Variants in SYNPR observed in about 807,000 individuals in gnomAD.
The protein encoded by SYNPR is synaptoporin.
In SYNPR, 23 loss-of-function variants were observed where a neutral mutation model predicts 32.9. The ratio of observed to expected loss-of-function variants is 0.70; its 90% CI spans 0.50 to 0.99. SYNPR has a LOEUF of 0.99. Among genes scored for constraint, SYNPR ranks in the 50% least tolerant of loss-of-function variants. The pLI is 0.00. For synonymous variants in SYNPR, 146 were observed against 135.9 expected, an observed-to-expected ratio of 1.07 and a Z score of -0.52; for missense variants, 318 against 349.3, an observed-to-expected ratio of 0.91 and a Z score of 0.71.
rs145149630 is a variant in SYNPR, at chr3:63,240,198, AGAGTTCAAACT to A, written n.66+11821_66+11831del. On this transcript the variant is annotated intron_variant and non_coding_transcript_variant, in intron 1 of 4. Coordinates refer to the SYNPR transcript ENST00000478456. ...GTACAAACTGATGAGACAGAAACAGAGAGTTCAAACTGACAATAAATTGGTTTATTTAACAG... is the reference window on the plus strand; with the variant it reads ...GTACAAACTGATGAGACAGAAACAGAGACAATAAATTGGTTTATTTAACAG... 5.3e-3 allele frequency among the ~76,000 whole-genome samples: 805 copies of A among 152,280 alleles called. 10 individuals are homozygous for A. The highest frequency in any genetic ancestry group is 0.019 in the African/African-American group (774 of 41,570).
chr3:63,415,175 G>A (rs1446572481), intron 2 of SYNPR, among the ~76,000 whole-genome samples: 2 of 151,860 alleles, frequency 1.3e-5, no homozygotes, highest in South Asian at 2.1e-4. Flanking sequence ...TATGCATATC[G>A]TATCTTTATG....
intron 2 of SYNPR, among the ~76,000 whole-genome samples, chr3:63,402,482 AT>A (rs1359523724): frequency 2.0e-5 from 3 of 152,260 alleles, no homozygotes; most frequent in African/African-American, 7.2e-5. Context: ...GACAAGAACC[AT>A]AAAGGATTCT....
At chr3:63,287,121 T>C (rs1302768149) in intron 2 of SYNPR, among the ~76,000 whole-genome samples, 2 of 152,188 alleles carry the variant, frequency 1.3e-5, no homozygotes, top group Non-Finnish European at 2.9e-5. Flanking sequence ...CAGTCGAATG[T>C]AATGAATTAT....
chr3:63,519,300 C>T (rs1026192871), intron 3 of SYNPR, among the ~76,000 whole-genome samples: 5 of 152,136 alleles, frequency 3.3e-5, no homozygotes, highest in African/African-American at 1.2e-4. Flanking sequence ...ATTGTGAAAC[C>T]ATGAAAGAGT....
In SYNPR at chr3:63,455,079, T is replaced by C. The variant is rs185890165; in HGVS notation, c.85-25753T>C. 2.7e-3 allele frequency among the ~76,000 whole-genome samples: 405 copies of C among 152,272 alleles called. 3 individuals are homozygous for C. The highest frequency in any genetic ancestry group is 9.0e-3 in the African/African-American group (373 of 41,576). ...TGATTTTAATTTAGGAATAATTTTA[T>C]TCTTACTGGCCCTAATTTGACGTTA... On this transcript the variant is annotated intron_variant, in intron 2 of 5. Coordinates refer to ENST00000478300, the MANE Select transcript of SYNPR (RefSeq NM_001130003.2).
chr3:63,342,236 C>T (rs1318588017), intron 2 of SYNPR, among the ~76,000 whole-genome samples: 3 of 152,140 alleles, frequency 2.0e-5, no homozygotes, highest in Non-Finnish European at 2.9e-5. Flanking sequence ...AGTCTTTCTC[C>T]ATGCTACACT....
intron 2 of SYNPR, among the ~76,000 whole-genome samples, chr3:63,365,837 C>T (rs2087723092): frequency 6.6e-6 from 1 of 152,094 alleles, no homozygotes; most frequent in Admixed American, 6.5e-5. Context: ...AGCTGAAAAG[C>T]AATGTGAACA....
At chr3:63,449,325 C>T (rs1247592384) in intron 2 of SYNPR, among the ~76,000 whole-genome samples, 5 of 151,918 alleles carry the variant, frequency 3.3e-5, no homozygotes, top group Admixed American at 6.6e-5. Flanking sequence ...GATGCTAGGG[C>T]ACAGAAATAA....
At chr3:63,322,965 TGAGG>T (rs2087126863) in intron 2 of SYNPR, among the ~76,000 whole-genome samples, 1 of 152,090 alleles carries the variant, frequency 6.6e-6, no homozygotes, top group Non-Finnish European at 1.5e-5. Context: ...GGCTTTTTAT[TGAGG>T]GTTGCCCAGT....
chr3:63,275,139 C>A (rs766497220), upstream of SYNPR, among the ~76,000 whole-genome samples: 7 of 152,202 alleles, frequency 4.6e-5, no homozygotes, highest in East Asian at 1.9e-4. Flanking sequence ...GGGAAATTAT[C>A]TTTCATCATC....
At chr3:63,479,513 T>A (rs1455848714) in intron 2 of SYNPR, among the ~76,000 whole-genome samples, 1 of 152,116 alleles carries the variant, frequency 6.6e-6, no homozygotes, top group African/African-American at 2.4e-5. Flanking sequence ...GGTTTCACAA[T>A]GCCTTGTTAT....
chr3:63,393,586 C>T (rs895685463), intron 2 of SYNPR, among the ~76,000 whole-genome samples: 8 of 144,774 alleles, frequency 5.5e-5, no homozygotes, highest in African/African-American at 2.1e-4. Flanking sequence ...CAGCCTTGAC[C>T]TCCTGGGCTC....
rs2086153217 is a variant in SYNPR, at chr3:63,229,712, T to C, written n.66+1332T>C. On this transcript the variant is annotated intron_variant and non_coding_transcript_variant, in intron 1 of 4. Coordinates refer to the SYNPR transcript ENST00000478456. ...AAATTTTTGTCCATATTTATCAGTATTATTATTATTCACTCAATACTTGTG... is the reference window on the plus strand; with the variant it reads ...AAATTTTTGTCCATATTTATCAGTACTATTATTATTCACTCAATACTTGTG... 3.3e-5 allele frequency among the ~76,000 whole-genome samples: 5 copies of C among 152,298 alleles called. No homozygotes were observed. The South Asian group carries it at 1.0e-3, about 32-fold the overall frequency.
chr3:63,596,095 T>C (rs944996813), intron 4 of SYNPR, among the ~76,000 whole-genome samples: 19 of 150,070 alleles, frequency 1.3e-4, no homozygotes, highest in African/African-American at 4.4e-4. Flanking sequence ...GTTGCACCCA[T>C]TAACTCGTCA....
upstream of SYNPR, among the ~76,000 whole-genome samples, chr3:63,276,620 T>TG (rs1560175989): frequency 7.0e-6 from 1 of 142,142 alleles, no homozygotes; most frequent in Non-Finnish European, 1.5e-5. Context: ...TAGTGTTAGT[T>TG]CCCCCCACCC....
At chr3:63,268,359 C>T (rs1281895379) in intron 3 of SYNPR, among the ~76,000 whole-genome samples, 3 of 151,920 alleles carry the variant, frequency 2.0e-5, no homozygotes, top group African/African-American at 7.3e-5. Flanking sequence ...AACAGTTGAC[C>T]CTTGAATAAC....
At chr3:63,592,591 A>G (rs1699858964) in intron 4 of SYNPR, among the ~76,000 whole-genome samples, 2 of 152,126 alleles carry the variant, frequency 1.3e-5, no homozygotes, top group Non-Finnish European at 2.9e-5. Context: ...CTATTGTAAT[A>G]TAACTAATAA....
At chr3:63,353,432 A>G (rs562696361) in intron 2 of SYNPR, among the ~76,000 whole-genome samples, 3 of 152,316 alleles carry the variant, frequency 2.0e-5, no homozygotes, top group African/African-American at 7.2e-5. Flanking sequence ...GGAAACTCTG[A>G]CTTTGGCTTG....
At chr3:63,315,853 C>T in intron 2 of SYNPR, among the ~76,000 whole-genome samples, 1 of 151,984 alleles carries the variant, frequency 6.6e-6, no homozygotes, top group South Asian at 2.1e-4. Flanking sequence ...TTTCCAAATT[C>T]AGTATTATGT....
Sources: allele counts gnomAD v4.1 joint callset (sites outside exome capture counted in the v4.1 genomes callset), GRCh38; gene constraint gnomAD v4.1.1; transcripts MANE v1.5; gene names NCBI Gene and HGNC (gene_info 2026-07-23, HGNC 2026-07-21).